The following FBXL7 variants were observed in gnomAD, a reference collection of about 807,000 sequenced individuals.
FBXL7 encodes the protein F-box/LRR-repeat protein 7.
Under a neutral mutation model 38.3 loss-of-function variants are expected in FBXL7, and 12 were observed. The observed-to-expected ratio is 0.31, with a 90% confidence interval of 0.20 to 0.51. The LOEUF is 0.51. Among genes scored for constraint, FBXL7 ranks in the 20% least tolerant of loss-of-function variants. The probability of loss-of-function intolerance (pLI) is 0.98; values close to 1 mark genes in which losing one functional copy is unlikely to be tolerated. For synonymous variants in FBXL7, 297 were observed against 300.9 expected, an observed-to-expected ratio of 0.99 and a Z score of 0.13; for missense variants, 567 against 676.4, an observed-to-expected ratio of 0.84 and a Z score of 1.79.
intron 2 of FBXL7, among the ~76,000 whole-genome samples, chr5:15,887,794 A>G (rs1004679866): frequency 6.6e-6 from 1 of 152,216 alleles, no homozygotes; most frequent in Admixed American, 6.5e-5. Flanking sequence ...TTGGCTGTGC[A>G]TTAGTATATG....
At chr5:15,556,176 T>G (rs1358107983) in intron 1 of FBXL7, among the ~76,000 whole-genome samples, 1 of 152,068 alleles carries the variant, frequency 6.6e-6, no homozygotes, top group Non-Finnish European at 1.5e-5. Flanking sequence ...TATGTGACTG[T>G]GGAGGCTGGG....
chr5:15,618,505 CG>C (rs1276228786), intron 2 of FBXL7, among the ~76,000 whole-genome samples: 4 of 151,998 alleles, frequency 2.6e-5, no homozygotes, highest in African/African-American at 7.3e-5. Flanking sequence ...GGGATGTTTG[CG>C]GGATGATTAG....
intron 1 of FBXL7, among the ~76,000 whole-genome samples, chr5:15,614,471 T>C (rs1740374518): frequency 6.6e-6 from 1 of 152,098 alleles, no homozygotes. Flanking sequence ...GGTTTCACGA[T>C]GTTGGCCAGG....
At chr5:15,781,263 C>T (rs571583865) in intron 2 of FBXL7, among the ~76,000 whole-genome samples, 2 of 151,970 alleles carry the variant, frequency 1.3e-5, no homozygotes, top group South Asian at 2.1e-4. Flanking sequence ...CAAGTGATAA[C>T]GAGAGAGAAA....
In FBXL7 at chr5:15,884,335, C is replaced by T. The variant is rs191307449; in HGVS notation, c.128-43555C>T. 1.4e-4 allele frequency among the ~76,000 whole-genome samples: 22 copies of T among 151,812 alleles called. No individual in the cohort carries two copies. The South Asian group carries it at 2.1e-3, about 14-fold the overall frequency. On this transcript the variant is annotated intron_variant, in intron 2 of 3. Coordinates refer to ENST00000504595, the MANE Select transcript of FBXL7 (RefSeq NM_012304.5). ...AGGCTGGAGTGCAGTGGTGCGATCT[C>T]GGCTCAATGCCAGCTCCACCTCCCG...
chr5:15,565,039 A>G (rs1027580066), intron 1 of FBXL7, among the ~76,000 whole-genome samples: 2 of 152,138 alleles, frequency 1.3e-5, no homozygotes, highest in Admixed American at 1.3e-4. Context: ...TGTTTTCAAT[A>G]TGCTGCTATT....
chr5:15,729,998 G>A lies in FBXL7; in HGVS notation c.127+113926G>A, dbSNP rs529198025. On this transcript the variant is annotated intron_variant, in intron 2 of 3. Transcript: ENST00000504595. ...GACATATGATCGAAGAATAAAAGCC[G>A]AGTTCCCATGAGAAACAAATACATG... Among the ~76,000 whole-genome samples, 158 of 152,206 alleles carry A rather than the reference G, an allele frequency of 1.0e-3. 1 individual carries two copies. Among genetic ancestry groups the A allele is most frequent in the Admixed American group, 2.7e-3 (41 of 15,268 alleles).
chr5:15,562,265 G>A (rs1738435412), intron 1 of FBXL7, among the ~76,000 whole-genome samples: 1 of 152,046 alleles, frequency 6.6e-6, no homozygotes, highest in Non-Finnish European at 1.5e-5. Context: ...AAACAGTGAG[G>A]TTACATCAAA....
At chr5:15,818,147 G>A (rs930754376) in intron 2 of FBXL7, among the ~76,000 whole-genome samples, 3 of 152,076 alleles carry the variant, frequency 2.0e-5, no homozygotes, top group Admixed American at 6.5e-5. Context: ...TATGTGTGGT[G>A]TGTGCGTGTT....
intron 1 of FBXL7, among the ~76,000 whole-genome samples, chr5:15,578,271 T>G (rs9312895): frequency 0.012 from 1,753 of 152,282 alleles, 27 homozygotes; most frequent in African/African-American, 0.039. Context: ...GTTCATGTTT[T>G]GAAATAACGA....
intron 1 of FBXL7, among the ~76,000 whole-genome samples, chr5:15,541,364 A>G (rs939048171): frequency 6.8e-6 from 1 of 146,450 alleles, no homozygotes; most frequent in South Asian, 2.2e-4. Context: ...CTATATGTAT[A>G]TATACACATA....
chr5:15,670,659 G>A lies in FBXL7; in HGVS notation c.127+54587G>A, dbSNP rs1309707984. The stretch of plus-strand genomic sequence containing the variant: ...CTACTAAAAATACAACACTTAGTCC[G>A]GTGCAATGGCATGTGCCTGTATTCC... On this transcript the variant is annotated intron_variant, in intron 2 of 3. Transcript: ENST00000504595. Among the ~76,000 whole-genome samples the A allele has an allele frequency of 8.5e-5, 13 of 152,158 alleles. No individual in the cohort carries two copies. The East Asian group carries it at 9.7e-4, about 11-fold the overall frequency.
intron 2 of FBXL7, among the ~76,000 whole-genome samples, chr5:15,858,225 A>ATATATG (rs1455776504): frequency 6.7e-6 from 1 of 149,294 alleles, no homozygotes; most frequent in African/African-American, 2.4e-5. Flanking sequence ...AATATATATA[A>ATATATG]CATATGCATA....
intron 2 of FBXL7, among the ~76,000 whole-genome samples, chr5:15,749,991 G>T (rs916727634): frequency 8.5e-5 from 13 of 152,218 alleles, no homozygotes; most frequent in African/African-American, 2.9e-4. Context: ...TCTGGGCCAG[G>T]CATTTTTGTT....
At chr5:15,639,906 A>AGCTCTGT (rs1164790634) in intron 2 of FBXL7, among the ~76,000 whole-genome samples, 1 of 152,124 alleles carries the variant, frequency 6.6e-6, no homozygotes, top group Non-Finnish European at 1.5e-5. Context: ...TTCCTTGGCC[A>AGCTCTGT]GCTCTGTGCT....
Position 15,939,179 on chromosome 5 carries a change from G to A in FBXL7, c.*1993G>A, listed in dbSNP as rs1474260034. On this transcript the variant is annotated 3_prime_UTR_variant, in exon 4 of 4. Coordinates refer to ENST00000504595, the MANE Select transcript of FBXL7 (RefSeq NM_012304.5). ...ATCATCAAATTACATGTGTAATCAA[G>A]GCTCTGTGCCATGGGGGAAATGAAT... 2.5e-6 allele frequency: 1 copy of A among 397,404 alleles called. No individual in the cohort carries two copies. Among genetic ancestry groups the A allele is most frequent in the Non-Finnish European group, 4.4e-6 (1 of 225,450 alleles). 24.6% of individuals were successfully genotyped at this position (397,404 alleles called of 1,614,324 possible). A position where few individuals can be genotyped will look rare whatever the true frequency, so the allele number is the denominator to read the frequency against.
intron 1 of FBXL7, among the ~76,000 whole-genome samples, chr5:15,504,935 TA>T (rs894086815): frequency 3.3e-5 from 5 of 152,216 alleles, no homozygotes; most frequent in Admixed American, 6.5e-5. Flanking sequence ...TTTTCACTGT[TA>T]ACAGCTTGTT....
At chr5:15,737,292 C>T (rs1036043468) in intron 2 of FBXL7, among the ~76,000 whole-genome samples, 5 of 152,148 alleles carry the variant, frequency 3.3e-5, no homozygotes, top group African/African-American at 9.7e-5. Context: ...TCCTTGAAAG[C>T]GTGCAGCATG....
chr5:15,727,389 C>G (rs1291302584), intron 2 of FBXL7, among the ~76,000 whole-genome samples: 1 of 152,148 alleles, frequency 6.6e-6, no homozygotes, highest in Non-Finnish European at 1.5e-5. Flanking sequence ...TGGAACTGTT[C>G]TGTTGGTAAT....
Sources: allele counts gnomAD v4.1 joint callset (sites outside exome capture counted in the v4.1 genomes callset), GRCh38; gene constraint gnomAD v4.1.1; transcripts MANE v1.5; gene names NCBI Gene and HGNC (gene_info 2026-07-23, HGNC 2026-07-21).